FZD6: variants seen among roughly 807,000 people sequenced by gnomAD.
FZD6 encodes the protein frizzled class receptor 6.
Under a neutral mutation model 61.4 loss-of-function variants are expected in FZD6, and 49 were observed. The ratio of observed to expected loss-of-function variants is 0.80; its 90% CI spans 0.63 to 1.01. FZD6 has a LOEUF of 1.01. FZD6 is among the 50% of genes least tolerant of loss of function. The pLI is 0.00. For synonymous variants in FZD6, 265 were observed against 292.2 expected (o/e 0.91, Z 0.95); for missense variants, 724 against 848.2 (o/e 0.85, Z 1.82).
chr8:103,314,406 G>A (rs1298139490), intron 2 of FZD6, among the ~76,000 whole-genome samples: 2 of 152,096 alleles, frequency 1.3e-5, no homozygotes, highest in Non-Finnish European at 2.9e-5. Context: ...CTAGTTGCCC[G>A]CAGCTCCCCT....
rs1815078743 is a variant in FZD6, at chr8:103,330,031, G to A, written c.1918G>A (p.Gly640Ser). 1 of 1,614,130 alleles carries A rather than the reference G, an allele frequency of 6.2e-7. No homozygotes were observed. The highest frequency in any genetic ancestry group is 2.2e-5 in the East Asian group (1 of 44,888). Residue 640 changes from glycine (G) to serine (S), a missense_variant, in exon 6 of 7, where the codon GGC (glycine) becomes AGC (serine). By Grantham distance (56) the Gly-to-Ser change is moderately conservative. Coordinates refer to ENST00000358755, the MANE Select transcript of FZD6 (RefSeq NM_003506.4). ...ACAGGTCGACGGGAAGGGCCAGGCA[G>A]GCAGTGTATCTGAAAGTGCGCGGAG... ...GEQVDGKGQA[G>S]SVSESARSEG... is the part of the protein sequence containing the mutation.
intron 2 of FZD6, among the ~76,000 whole-genome samples, chr8:103,313,932 C>T (rs949719071): frequency 6.6e-6 from 1 of 152,020 alleles, no homozygotes; most frequent in Non-Finnish European, 1.5e-5. Flanking sequence ...AATTCTATGC[C>T]CCCATTTCCA....
Position 103,329,993 on chromosome 8 carries a change from G to C in FZD6, c.1880G>C (p.Arg627Thr). ...EPASPAASIS[R>T]LSGEQVDGKG... ...GCCTCGCCAGCAGCATCCATCTCCA[G>C]ACTCTCTGGGGAACAGGTCGACGGG... The change falls in exon 6 of 7, where the codon AGA (arginine) becomes ACA (threonine). Residue 627 changes from arginine (R) to threonine (T), a missense_variant. By Grantham distance (71) the Arg-to-Thr change is moderately conservative (BLOSUM62 -1). Coordinates refer to ENST00000358755, the MANE Select transcript of FZD6 (RefSeq NM_003506.4). 6.2e-7 allele frequency: 1 copy of C among 1,614,154 alleles called. No homozygotes were observed. Among genetic ancestry groups the C allele is most frequent in the South Asian group, 1.1e-5 (1 of 91,076 alleles).
intron 2 of FZD6, among the ~76,000 whole-genome samples, chr8:103,312,968 T>C (rs189588532): frequency 2.6e-5 from 4 of 152,222 alleles, no homozygotes; most frequent in Non-Finnish European, 5.9e-5. Flanking sequence ...TTCATCCTCA[T>C]TGGCATTTTT....
At chr8:103,319,002 G>A (rs943515138) in intron 3 of FZD6, among the ~76,000 whole-genome samples, 3 of 152,204 alleles carry the variant, frequency 2.0e-5, no homozygotes, top group African/African-American at 7.2e-5. Context: ...TGAGGTGAGA[G>A]GGACAGACAG....
In FZD6 at chr8:103,329,739, G is replaced by A; in HGVS notation, c.1626G>A (p.Lys542=). 1 of 1,612,662 alleles carries A rather than the reference G, an allele frequency of 6.2e-7. No homozygotes were observed. The highest frequency in any genetic ancestry group is 1.3e-5 in the African/African-American group (1 of 74,944). The change falls in exon 6 of 7, where the codon AAG becomes AAA. Residue 542 remains lysine (K), a synonymous_variant. Coordinates refer to ENST00000358755, the MANE Select transcript of FZD6 (RefSeq NM_003506.4). The part of the protein sequence containing the change: ...KHNSKVKHKK[K]HYKPSSHKLK... Reference sequence around the variant, plus strand: ...ATTCTAAAGTTAAACACAAAAAGAAGCACTATAAACCAAGTTCACACAAGC... The same window carrying A: ...ATTCTAAAGTTAAACACAAAAAGAAACACTATAAACCAAGTTCACACAAGC...
intron 2 of FZD6, among the ~76,000 whole-genome samples, chr8:103,302,719 T>C (rs1814208050): frequency 6.6e-6 from 1 of 152,334 alleles, no homozygotes; most frequent in Non-Finnish European, 1.5e-5. Context: ...TAGATAAAAA[T>C]TAAACTGGGT....
chr8:103,298,715 G>A (rs1163289992), upstream of FZD6: 2 of 150,980 alleles, frequency 1.3e-5, no homozygotes, highest in Admixed American at 6.6e-5. Flanking sequence ...GGGTCCTGGC[G>A]GGCCGCGGAG....
At chr8:103,301,129 T>C (rs923893002) in intron 2 of FZD6, among the ~76,000 whole-genome samples, 1 of 152,210 alleles carries the variant, frequency 6.6e-6, no homozygotes, top group Non-Finnish European at 1.5e-5. Flanking sequence ...ATTTAATATA[T>C]ATACTATTTT....
intron 2 of FZD6, among the ~76,000 whole-genome samples, chr8:103,309,994 T>A (rs1328802806): frequency 1.3e-5 from 2 of 152,152 alleles, no homozygotes; most frequent in Admixed American, 6.5e-5. Context: ...GTTGAGACAT[T>A]GAAGACTGGT....
intron 2 of FZD6, among the ~76,000 whole-genome samples, chr8:103,302,670 G>C (rs995595119): frequency 6.6e-6 from 1 of 152,172 alleles, no homozygotes; most frequent in South Asian, 2.1e-4. Flanking sequence ...AATGCAATGT[G>C]TAAATTTCAG....
intron 3 of FZD6, among the ~76,000 whole-genome samples, chr8:103,319,445 T>C (rs1374772407): frequency 6.6e-6 from 1 of 152,182 alleles, no homozygotes; most frequent in African/African-American, 2.4e-5. Context: ...AAGACAGGAA[T>C]GGGTAGCACA....
chr8:103,322,304 T>C (rs1238419943), intron 3 of FZD6, among the ~76,000 whole-genome samples: 1 of 151,446 alleles, frequency 6.6e-6, no homozygotes, highest in African/African-American at 2.4e-5. Context: ...TCTCAGCTAT[T>C]TAAGAGGATT....
At chr8:103,313,865 G>A (rs2130298153) in intron 2 of FZD6, among the ~76,000 whole-genome samples, 1 of 151,912 alleles carries the variant, frequency 6.6e-6, no homozygotes, top group East Asian at 1.9e-4. Flanking sequence ...TAAAATTTGG[G>A]AAATTACACA....
At chr8:103,320,222 A>G (rs1522708) in intron 3 of FZD6, among the ~76,000 whole-genome samples, 65,300 of 152,050 alleles carry the variant, frequency 0.43, 14,608 homozygotes, top group East Asian at 0.62. Flanking sequence ...GGAAAGAAGG[A>G]TATGTGTTCG....
At chr8:103,327,829 C>T (rs1814997412) in intron 4 of FZD6, among the ~76,000 whole-genome samples, 1 of 151,780 alleles carries the variant, frequency 6.6e-6, no homozygotes. Flanking sequence ...TTTACTTTAA[C>T]CAAGTTTTTA....
Position 103,324,773 on chromosome 8 carries a change from G to T in FZD6, c.667G>T (p.Asp223Tyr). 1.2e-6 allele frequency: 2 copies of T among 1,613,626 alleles called. No individual in the cohort carries two copies. Among genetic ancestry groups the T allele is most frequent in the Non-Finnish European group, 1.7e-6 (2 of 1,179,614 alleles). ...TLFTFLTFLI[D>Y]VRRFRYPERP... ...GTTCACATTCCTTACTTTTTTAATT[G>T]ATGTTAGAAGATTCAGATACCCAGA... Residue 223 changes from aspartate (D) to tyrosine (Y), a missense_variant, in exon 4 of 7, where the codon GAT (aspartate) becomes TAT (tyrosine). By Grantham distance (160) the Asp-to-Tyr change is radical. Coordinates refer to ENST00000358755, the MANE Select transcript of FZD6 (RefSeq NM_003506.4).
rs375688505 is a variant in FZD6, at chr8:103,300,166, G to A, written c.59G>A (p.Ser20Asn). The A allele has an allele frequency of 6.2e-7, 1 of 1,603,104 alleles. No individual in the cohort carries two copies. The highest frequency in any genetic ancestry group is 1.7e-5 in the Admixed American group (1 of 60,014). ...CIFLPLLRGH[S>N]LFTCEPITVP... ...TTTCTACCCCTCCTAAGAGGGCACAGTCTCTTCACCTGTGAACCAATTACT... is the reference window on the plus strand; with the variant it reads ...TTTCTACCCCTCCTAAGAGGGCACAATCTCTTCACCTGTGAACCAATTACT... The change falls in exon 2 of 7, where the codon AGT becomes AAT. Residue 20 changes from serine (S) to asparagine (N), a missense_variant. Physicochemically the swap from Ser to Asn is conservative, Grantham distance 46. Transcript: ENST00000358755.
In FZD6 at chr8:103,324,812, T is replaced by C. The variant is rs372850452; in HGVS notation, c.706T>C (p.Tyr236His). 1.7e-4 allele frequency: 269 copies of C among 1,612,106 alleles called. No homozygotes were observed. Among genetic ancestry groups the C allele is most frequent in the Non-Finnish European group, 2.2e-4 (258 of 1,178,288 alleles). The change falls in exon 4 of 7, where the codon TAT (tyrosine) becomes CAT (histidine). Residue 236 changes from tyrosine to histidine, a missense_variant. By Grantham distance (83) the Tyr-to-His change is moderately conservative. Coordinates refer to ENST00000358755, the MANE Select transcript of FZD6 (RefSeq NM_003506.4). ...RFRYPERPII[Y>H]YSVCYSIVSL... Reference sequence around the variant, plus strand: ...CAGATACCCAGAGAGACCAATTATATATTACTCTGTCTGTTACAGCATTGT... The same window carrying C: ...CAGATACCCAGAGAGACCAATTATACATTACTCTGTCTGTTACAGCATTGT...
Sources: allele counts gnomAD v4.1 joint callset (sites outside exome capture counted in the v4.1 genomes callset), GRCh38; gene constraint gnomAD v4.1.1; transcripts MANE v1.5; gene names NCBI Gene and HGNC (gene_info 2026-07-23, HGNC 2026-07-21).